The following WIPF1 variants were observed in gnomAD, a reference collection of about 807,000 sequenced individuals.
The protein encoded by WIPF1 is WAS/WASL-interacting protein family member 1.
A neutral mutation model predicts 35.4 loss-of-function variants in WIPF1; 13 were observed. The ratio of observed to expected loss-of-function variants is 0.37; its 90% CI spans 0.24 to 0.58. The LOEUF is 0.58. Among genes scored for constraint, WIPF1 ranks in the 20% least tolerant of loss-of-function variants. The pLI is 0.74. For synonymous variants in WIPF1, 267 were observed against 266.3 expected (o/e 1.00, Z -0.02); for missense variants, 591 against 667.0 (o/e 0.89, Z 1.25).
intron 1 of WIPF1, among the ~76,000 whole-genome samples, chr2:174,672,193 C>T (rs1688032105): frequency 6.6e-6 from 1 of 152,174 alleles, no homozygotes; most frequent in African/African-American, 2.4e-5. Context: ...GGGCGGGTTC[C>T]CCCAATAATA....
At chr2:174,649,905 T>C (rs992077392) in intron 1 of WIPF1, among the ~76,000 whole-genome samples, 1 of 152,184 alleles carries the variant, frequency 6.6e-6, no homozygotes, top group African/African-American at 2.4e-5. Flanking sequence ...TAAGACTTTA[T>C]CTCCACATGG....
At chr2:174,577,856 A>T (rs559784011) in intron 3 of WIPF1, among the ~76,000 whole-genome samples, 1 of 151,726 alleles carries the variant, frequency 6.6e-6, no homozygotes, top group Admixed American at 6.6e-5. Context: ...GAGGTCAAGG[A>T]TGCAGTGAGC....
intron 1 of WIPF1, among the ~76,000 whole-genome samples, chr2:174,646,987 G>A (rs1687424289): frequency 6.6e-6 from 1 of 152,184 alleles, no homozygotes; most frequent in African/African-American, 2.4e-5. Context: ...GAACAGAGCT[G>A]CAGATTATCC....
At chr2:174,667,742 G>C (rs115829179) in intron 1 of WIPF1, among the ~76,000 whole-genome samples, 1 of 150,814 alleles carries the variant, frequency 6.6e-6, no homozygotes, top group Non-Finnish European at 1.5e-5. Context: ...GCAGCTTGCC[G>C]GCCTCCAGGC....
chr2:174,584,380 T>C (rs1300090116), intron 2 of WIPF1, among the ~76,000 whole-genome samples: 1 of 152,172 alleles, frequency 6.6e-6, no homozygotes, highest in Non-Finnish European at 1.5e-5. Context: ...AGATGAGTTA[T>C]ATAAATGTGT....
In WIPF1 at chr2:174,664,139, A is replaced by T. The variant is rs6738986; in HGVS notation, c.-39+18635T>A. On this transcript the variant is annotated intron_variant, in intron 1 of 8. Coordinates refer to the WIPF1 transcript ENST00000272746. ...CTCTGTCCCTCTGTCCCTCTCTCTC[A>T]CACACACACACACACCCCAAGTGCT... 1.5e-3 allele frequency among the ~76,000 whole-genome samples: 195 copies of T among 132,932 alleles called. 1 individual carries two copies. The South Asian group carries it at 0.03, about 20-fold the overall frequency. 87.2% of individuals were successfully genotyped at this position (132,932 alleles called of 152,430 possible). A position where few individuals can be genotyped will look rare whatever the true frequency, so the allele number is the denominator to read the frequency against.
In WIPF1 at chr2:174,572,137, G is replaced by A; in HGVS notation, c.668C>T (p.Pro223Leu). 5 of 1,611,770 alleles carry A rather than the reference G, an allele frequency of 3.1e-6. No individual in the cohort carries two copies. The highest frequency in any genetic ancestry group is 4.2e-6 in the Non-Finnish European group (5 of 1,178,964). The change falls in exon 5 of 8, where the codon CCT (proline) becomes CTT (leucine). Residue 223 changes from proline to leucine, a missense_variant. By Grantham distance (98) the Pro-to-Leu change is moderately conservative. This residue lies in a region of WIPF1 where 471 missense variants were observed against 501.1 expected (regional missense o/e 0.94). Transcript: ENST00000679041. ...TCCCAAAGCAGTGCCGCGGTTTCCA[G>A]GGAAAGGGGGAGGAGTGGGCCCGGG... Reference protein sequence around the residue: ...PSPGPTPPPFPGNRGTALGGG... With the variant: ...PSPGPTPPPFLGNRGTALGGG...
intron 4 of WIPF1, chr2:174,574,686 C>A: frequency 5.1e-6 from 3 of 589,854 alleles, no homozygotes; most frequent in Middle Eastern, 2.8e-4. Context: ...TGGCTCCCTG[C>A]AGAGACTCCT....
At chr2:174,635,532 T>TG (rs1687160766) in intron 1 of WIPF1, among the ~76,000 whole-genome samples, 2 of 146,512 alleles carry the variant, frequency 1.4e-5, no homozygotes, top group African/African-American at 5.1e-5. Context: ...TCTGTTTGTT[T>TG]TTTTTTTTTT....
Position 174,562,268 on chromosome 2 carries a change from G to C in WIPF1, c.*279C>G. 6.5e-7 allele frequency: 1 copy of C among 1,535,962 alleles called. No individual in the cohort carries two copies. The highest frequency in any genetic ancestry group is 8.8e-7 in the Non-Finnish European group (1 of 1,138,116). On this transcript the variant is annotated 3_prime_UTR_variant, in exon 8 of 8. Coordinates refer to ENST00000679041, the MANE Select transcript of WIPF1 (RefSeq NM_001375834.1). ...TGGTTGGTGGAAAGCTGGGATGCAA[G>C]TCATCTCTGCCTATTACGACAAAAG... is the stretch of plus-strand genomic sequence containing the variant.
chr2:174,597,540 T>C (rs1685858299), intron 1 of WIPF1, 61 bp downstream of exon 1: 1 of 152,472 alleles, frequency 6.6e-6, no homozygotes, highest in African/African-American at 2.4e-5. Context: ...TTAAAAGCCA[T>C]TTAGTTCTTC....
chr2:174,652,237 A>G (rs555801065), intron 1 of WIPF1, among the ~76,000 whole-genome samples: 30 of 152,312 alleles, frequency 2.0e-4, no homozygotes, highest in Admixed American at 1.4e-3. Context: ...AGGAGAGTCA[A>G]CGTATTTACA....
At chr2:174,661,619 A>T (rs1035075473) in intron 1 of WIPF1, among the ~76,000 whole-genome samples, 1 of 152,002 alleles carries the variant, frequency 6.6e-6, no homozygotes, top group Non-Finnish European at 1.5e-5. Flanking sequence ...CTTTTTTCAC[A>T]GCCCTCATCA....
At chr2:174,565,494 C>T (rs767090176) in intron 7 of WIPF1, among the ~76,000 whole-genome samples, 4 of 152,180 alleles carry the variant, frequency 2.6e-5, no homozygotes, top group South Asian at 2.1e-4. Flanking sequence ...TGTTGTCCTG[C>T]GCTGTGACAC....
chr2:174,656,695 C>G (rs945152881), intron 1 of WIPF1, among the ~76,000 whole-genome samples: 6 of 152,204 alleles, frequency 3.9e-5, no homozygotes, highest in African/African-American at 1.4e-4. Context: ...CAACCTATCC[C>G]TGCTGTTCTA....
In WIPF1 at chr2:174,663,523, A is replaced by G. The variant is rs1288425229; in HGVS notation, c.-39+19251T>C. Among the ~76,000 whole-genome samples the G allele has an allele frequency of 3.7e-5, 4 of 107,798 alleles. No homozygotes were observed. In the Admixed American group the frequency reaches 4.8e-4, roughly 13 times the overall value. 70.7% of individuals were successfully genotyped at this position (107,798 alleles called of 152,430 possible). On this transcript the variant is annotated intron_variant, in intron 1 of 8. Transcript: ENST00000272746. ...TCCTCAGGCCTGAAGTTTCCTGGGG[A>G]AAAAGGCAAAGTGGCCTTTGGCCTC...
intron 3 of WIPF1, among the ~76,000 whole-genome samples, chr2:174,576,780 G>A (rs1685078191): frequency 6.6e-6 from 1 of 152,184 alleles, no homozygotes; most frequent in African/African-American, 2.4e-5. Context: ...GTCCAAAGAA[G>A]TGCAAATTAG....
intron 1 of WIPF1, chr2:174,629,795 C>A (rs1574848237): frequency 6.6e-6 from 1 of 152,204 alleles, no homozygotes; most frequent in East Asian, 1.9e-4. Flanking sequence ...GCCCCGCACC[C>A]AGTTTTCAGA....
intron 1 of WIPF1, among the ~76,000 whole-genome samples, chr2:174,645,119 G>C (rs1687379338): frequency 6.6e-6 from 1 of 152,160 alleles, no homozygotes. Context: ...TGGACCACGA[G>C]AAAGTGTGGT....
Sources: allele counts gnomAD v4.1 joint callset (sites outside exome capture counted in the v4.1 genomes callset), GRCh38; gene constraint gnomAD v4.1.1; regional missense constraint gnomAD v4.1.1; transcripts MANE v1.5; gene names NCBI Gene and HGNC (gene_info 2026-07-23, HGNC 2026-07-21).